BOP1: variants seen among roughly 807,000 people sequenced by gnomAD.
BOP1 encodes BOP1 ribosomal biogenesis factor.
In BOP1, 54 loss-of-function variants were observed where a neutral mutation model predicts 82.9. The ratio of observed to expected loss-of-function variants is 0.65; its 90% CI spans 0.52 to 0.82. BOP1 has a LOEUF of 0.82. Ranked by LOEUF, BOP1 falls within the 40% of genes least tolerant of loss-of-function variation. BOP1 has a pLI of 0.00. For synonymous variants in BOP1, 566 were observed against 451.1 expected (o/e 1.25, Z -3.23); for missense variants, 1,170 against 1,072.0 (o/e 1.09, Z -1.28).
At chr8:144,266,731 T>G in intron 3 of BOP1, 1 of 1,113,918 alleles carries the variant, frequency 9.0e-7, no homozygotes, top group Non-Finnish European at 1.1e-6. Flanking sequence ...CGAGAAACCC[T>G]GTCGCGTGCA....
intron 2 of BOP1, 36 bp downstream of exon 2, chr8:144,289,059 G>C: frequency 6.2e-7 from 1 of 1,610,914 alleles, no homozygotes; most frequent in African/African-American, 1.3e-5. Flanking sequence ...CCTGCACATG[G>C]GGGACAGCCC....
At chr8:144,266,484 G>A in intron 3 of BOP1, 8 of 985,186 alleles carry the variant, frequency 8.1e-6, no homozygotes, top group African/African-American at 1.8e-5. Context: ...CGCGACGCCC[G>A]GCAGCTGCCA....
rs1564593923 is a variant in BOP1 at position 144,262,941 on chromosome 8, G to A, written c.1806C>T (p.Val602=). ...PFLLVASQRS[V]RLYHLLRQEL... is the part of the protein sequence containing the mutation. The stretch of plus-strand genomic sequence containing the variant: ...CCTGGCGCAGCAGGTGGTAGAGGCG[G>A]ACGCTGCGCTGGGACGCCACCAACA... Residue 602 remains valine (V), a synonymous_variant, in exon 13 of 16, where the codon GTC becomes GTT. Transcript: ENST00000569669. 1.9e-6 allele frequency: 3 copies of A among 1,547,386 alleles called. No homozygotes were observed. Among genetic ancestry groups the A allele is most frequent in the Non-Finnish European group, 2.6e-6 (3 of 1,153,008 alleles).
chr8:144,289,003 C>T (rs1588611281), intron 2 of BOP1, 92 bp downstream of exon 2: 7 of 1,387,520 alleles, frequency 5.0e-6, no homozygotes, highest in South Asian at 2.4e-5. Flanking sequence ...TTCTGAGGGA[C>T]GGTGGAGAAG....
chr8:144,286,640 C>T (rs4977216), intron 2 of BOP1, among the ~76,000 whole-genome samples: 76,880 of 145,080 alleles, frequency 0.53, 20,567 homozygotes, highest in Admixed American at 0.65. Flanking sequence ...GCACAGGACA[C>T]GCGGGCAGGT....
chr8:144,286,865 G>A (rs1265498685), intron 2 of BOP1, among the ~76,000 whole-genome samples: 1 of 152,252 alleles, frequency 6.6e-6, no homozygotes, highest in Non-Finnish European at 1.5e-5. Context: ...AGGGCAATGG[G>A]CAGGACAAGC....
intron 2 of BOP1, among the ~76,000 whole-genome samples, chr8:144,278,396 C>T (rs929506249): frequency 9.2e-5 from 14 of 152,168 alleles, no homozygotes; most frequent in African/African-American, 3.4e-4. Context: ...AAACGGTGTC[C>T]AAGCGCATGA....
chr8:144,273,292 C>T (rs1845521692), intron 3 of BOP1, among the ~76,000 whole-genome samples: 1 of 152,240 alleles, frequency 6.6e-6, no homozygotes, highest in Non-Finnish European at 1.5e-5. Flanking sequence ...TGGACGCAGA[C>T]AGGCCCGGCT....
Position 144,291,252 on chromosome 8 carries a change from C to A in BOP1, c.99+20G>T. Reference sequence around the variant, plus strand: ...GGCCCTCTAGGGACGCGCCCCGCCGCCCCGCATCGCCACAGTCACCTCCGG... The same window carrying A: ...GGCCCTCTAGGGACGCGCCCCGCCGACCCGCATCGCCACAGTCACCTCCGG... On this transcript the variant is annotated intron_variant, in intron 1 of 15. Coordinates refer to ENST00000569669, the MANE Select transcript of BOP1 (RefSeq NM_015201.5). The surrounding 1 kb of genome is among the most constrained non-coding windows in gnomAD (Gnocchi z 4.1). The A allele has an allele frequency of 6.9e-7, 1 of 1,447,252 alleles. No homozygotes were observed. Among genetic ancestry groups the A allele is most frequent in the Non-Finnish European group, 9.1e-7 (1 of 1,102,170 alleles). 89.7% of individuals were successfully genotyped at this position (1,447,252 alleles called of 1,614,324 possible).
chr8:144,290,768 C>G (rs1815037106), intron 1 of BOP1, among the ~76,000 whole-genome samples: 1 of 152,036 alleles, frequency 6.6e-6, no homozygotes, highest in Admixed American at 6.5e-5. Context: ...CTGTGAGGGG[C>G]TGGCTGTCCA....
At chr8:144,279,780 T>G (rs940790295) in intron 2 of BOP1, among the ~76,000 whole-genome samples, 1 of 152,182 alleles carries the variant, frequency 6.6e-6, no homozygotes, top group African/African-American at 2.4e-5. Context: ...GTGAAGGCCG[T>G]GTGGCTCTGC....
Position 144,263,768 on chromosome 8 carries a change from AGGC to A in BOP1, c.1222-10_1222-8del, listed in dbSNP as rs1170824444. ...CACTGTGGCCCCTGTAGACCTGAGG[AGGC>A]GGCGGCAGTGAGGAGTCAGACTGGG... is the stretch of plus-strand genomic sequence containing the variant. On this transcript the variant is annotated splice_region_variant and splice_polypyrimidine_tract_variant and intron_variant, in intron 9 of 15. Transcript: ENST00000569669. 6.3e-7 allele frequency: 1 copy of A among 1,589,522 alleles called. No individual in the cohort carries two copies. The highest frequency in any genetic ancestry group is 1.3e-5 in the African/African-American group (1 of 74,350).
Position 144,262,811 on chromosome 8 carries a change from CCCCACCCCTCACCTGCAGGGTGCACCG to C in BOP1, c.1894+15_1894+41del. On this transcript the variant is annotated intron_variant, in intron 13 of 15. Coordinates refer to ENST00000569669, the MANE Select transcript of BOP1 (RefSeq NM_015201.5). ...CACCTGCAGGGTACACCGCCCCCCC[CCCCACCCCTCACCTGCAGGGTGCACCG>C]CCCCCACCCCTCACCTGCAGGGTGC... The C allele has an allele frequency of 1.5e-6, 1 of 652,092 alleles. No homozygotes were observed. Among genetic ancestry groups the C allele is most frequent in the African/African-American group, 2.6e-5 (1 of 37,986 alleles). The allele number at this position is 652,092 out of a possible 1,614,324, so 40.4% of individuals were successfully genotyped here.
chr8:144,266,459 G>C, intron 3 of BOP1: 1 of 971,746 alleles, frequency 1.0e-6, no homozygotes, highest in Non-Finnish European at 1.2e-6. Flanking sequence ...CTCCGGCCCG[G>C]GACGCACATG....
chr8:144,280,909 CT>C (rs1167381188), intron 2 of BOP1, among the ~76,000 whole-genome samples: 1 of 150,976 alleles, frequency 6.6e-6, no homozygotes, highest in Non-Finnish European at 1.5e-5. Context: ...CCTTCTCTCA[CT>C]TTCATACCAG....
rs898540337 is a variant in BOP1 at position 144,263,796 on chromosome 8, G to A, written c.1221+35C>T. 5.0e-6 allele frequency: 8 copies of A among 1,606,584 alleles called. No homozygotes were observed. In the African/African-American group the frequency reaches 6.7e-5, roughly 13 times the overall value. ...CGGCGGCAGTGAGGAGTCAGACTGG[G>A]AGGGTGCAACCCCAGCCCCCTAGTC... On this transcript the variant is annotated intron_variant, in intron 9 of 15. Coordinates refer to ENST00000569669, the MANE Select transcript of BOP1 (RefSeq NM_015201.5).
Position 144,264,946 on chromosome 8 carries a change from G to A in BOP1, c.516C>T (p.Phe172=). 1.9e-6 allele frequency: 3 copies of A among 1,612,174 alleles called. No homozygotes were observed. Among genetic ancestry groups the A allele is most frequent in the Non-Finnish European group, 1.7e-6 (2 of 1,179,718 alleles). The change falls in exon 4 of 16, where the codon TTC becomes TTT. Residue 172 remains phenylalanine, a synonymous_variant. Transcript: ENST00000569669. ...PLRTRDELDQ[F]LDKMDDPDYW... ...AGTCAGGATCGTCCATCTTGTCCAG[G>A]AACTGGTCCAGCTCATCCCGGGTCC...
chr8:144,277,470 C>T (rs1442549418), intron 2 of BOP1, among the ~76,000 whole-genome samples: 5 of 152,362 alleles, frequency 3.3e-5, no homozygotes, highest in Non-Finnish European at 7.3e-5. Context: ...CTGGCCTCTG[C>T]GGACGGGTAC....
At chr8:144,289,472 C>G (rs1814973225) in intron 1 of BOP1, among the ~76,000 whole-genome samples, 168 bp from the exon 2 acceptor site, 2 of 152,246 alleles carry the variant, frequency 1.3e-5, no homozygotes, top group Admixed American at 1.3e-4. Flanking sequence ...TCCACCCAAC[C>G]TGAGCCTTCC....
Sources: allele counts gnomAD v4.1 joint callset (sites outside exome capture counted in the v4.1 genomes callset), GRCh38; gene constraint gnomAD v4.1.1; non-coding constraint Gnocchi (gnomAD v3.1); transcripts MANE v1.5; gene names NCBI Gene and HGNC (gene_info 2026-07-23, HGNC 2026-07-21).